Variants in SANBR observed in about 807,000 individuals in gnomAD.
SANBR encodes SANT and BTB domain regulator of class switch recombination.
A neutral mutation model predicts 101.8 loss-of-function variants in SANBR; 77 were observed. The observed-to-expected ratio is 0.76, with a 90% CI of 0.63 to 0.91. The LOEUF is 0.91. Among genes scored for constraint, SANBR ranks in the 40% least tolerant of loss-of-function variants. The pLI is 0.00. For synonymous variants in SANBR, 279 were observed against 274.7 expected (o/e 1.02, Z -0.15); for missense variants, 875 against 853.0 (o/e 1.03, Z -0.32).
At chr2:61,086,307 G>GGTATGGTA (rs1418924200) in intron 8 of SANBR, among the ~76,000 whole-genome samples, 2 of 151,818 alleles carry the variant, frequency 1.3e-5, no homozygotes, top group Non-Finnish European at 1.5e-5. Context: ...GAATTAACAA[G>GGTATGGTA]TGTGAGCCAC....
At chr2:61,068,695 C>T (rs1227122936) in intron 1 of SANBR, among the ~76,000 whole-genome samples, 154 bp from the exon 2 acceptor site, 1 of 152,142 alleles carries the variant, frequency 6.6e-6, no homozygotes, top group Non-Finnish European at 1.5e-5. Flanking sequence ...TTTTATCTGT[C>T]ACATTAATCT....
chr2:61,079,031 C>A (rs1168662436), intron 6 of SANBR, among the ~76,000 whole-genome samples: 1 of 150,640 alleles, frequency 6.6e-6, no homozygotes, highest in Admixed American at 6.6e-5. Flanking sequence ...AGAGTGAGAC[C>A]CTTTCTAAAA....
rs1384161114 is a variant in SANBR at position 61,123,359 on chromosome 2, A to C, written c.*1197A>C. 6.1e-6 allele frequency: 6 copies of C among 976,678 alleles called. No homozygotes were observed. Among genetic ancestry groups the C allele is most frequent in the South Asian group, 4.7e-5 (1 of 21,086 alleles). 60.5% of individuals were successfully genotyped at this position (976,678 alleles called of 1,614,324 possible). On this transcript the variant is annotated 3_prime_UTR_variant, in exon 22 of 22. Coordinates refer to ENST00000402291, the MANE Select transcript of SANBR (RefSeq NM_001129993.3). ...ATTGAAATATTGAAGTGTTACACTC[A>C]GTTTACACGTACAGAAATCATTCTT... is the stretch of plus-strand genomic sequence containing the variant.
chr2:61,073,971 GATAGTTTTGT>G (rs11276921), intron 5 of SANBR, among the ~76,000 whole-genome samples: 97,111 of 151,224 alleles, frequency 0.64, 33,140 homozygotes, highest in African/African-American at 0.88. Context: ...TGCAAGTTTT[GATAGTTTTGT>G]ATAGTTTTGT....
At chr2:61,127,667 T>G (rs1160596376), downstream of SANBR, among the ~76,000 whole-genome samples, 17 of 151,970 alleles carry the variant, frequency 1.1e-4, no homozygotes, top group Admixed American at 1.1e-3. Context: ...TTTTTCTTTG[T>G]CTAAAAATAA....
chr2:61,087,805 C>T (rs927908584), intron 8 of SANBR, among the ~76,000 whole-genome samples: 12 of 151,262 alleles, frequency 7.9e-5, no homozygotes, highest in African/African-American at 2.9e-4. Flanking sequence ...GAGCAGAGAT[C>T]GTGCTGTTGA....
chr2:61,081,141 A>G (rs939306945), intron 6 of SANBR, among the ~76,000 whole-genome samples: 4 of 152,148 alleles, frequency 2.6e-5, no homozygotes, highest in Non-Finnish European at 5.9e-5. Flanking sequence ...TGTATATGCA[A>G]TGAATTATAG....
rs879432624 is a variant in SANBR at position 61,134,374 on chromosome 2, G to A, written c.*44+98G>A. 87 of 1,201,986 alleles carry A rather than the reference G, an allele frequency of 7.2e-5. No homozygotes were observed. In the South Asian group the frequency reaches 8.4e-4, roughly 12 times the overall value. 74.5% of individuals were successfully genotyped at this position (1,201,986 alleles called of 1,614,324 possible). Reference sequence around the variant, plus strand: ...TATTCCCATTTTTGGCTTGGCTCACGTTATTCCCCCACCTAGATGGTTGCC... The same window carrying A: ...TATTCCCATTTTTGGCTTGGCTCACATTATTCCCCCACCTAGATGGTTGCC... On this transcript the variant is annotated intron_variant, in intron 21 of 21. Coordinates refer to the SANBR transcript ENST00000295031.
chr2:61,085,371 A>G (rs1682368173), intron 8 of SANBR, among the ~76,000 whole-genome samples: 1 of 152,078 alleles, frequency 6.6e-6, no homozygotes, highest in South Asian at 2.1e-4. Flanking sequence ...TAGTTGACAC[A>G]ATACCATATG....
chr2:61,131,893 T>C (rs546886062), intron 20 of SANBR, among the ~76,000 whole-genome samples: 6 of 152,376 alleles, frequency 3.9e-5, no homozygotes, highest in Admixed American at 1.3e-4. Context: ...CACATTTCTA[T>C]GGTCAACTGA....
At chr2:61,078,936 G>C (rs1559082417) in intron 6 of SANBR, among the ~76,000 whole-genome samples, 1 of 151,944 alleles carries the variant, frequency 6.6e-6, no homozygotes, top group Non-Finnish European at 1.5e-5. Flanking sequence ...CTACTTGGGA[G>C]GGTGAGGCAT....
intron 10 of SANBR, chr2:61,088,954 G>T (rs1682597945): frequency 1.1e-6 from 1 of 892,188 alleles, no homozygotes; most frequent in East Asian, 1.2e-4. Context: ...GTAGTTGTTA[G>T]TACATTTTAT....
At chr2:61,094,708 A>G (rs1682944593) in intron 11 of SANBR, among the ~76,000 whole-genome samples, 1 of 129,912 alleles carries the variant, frequency 7.7e-6, no homozygotes. Flanking sequence ...CGCTGGCGCC[A>G]TCTTGGCTCA....
At chr2:61,101,924 G>C (rs952305437) in intron 12 of SANBR, among the ~76,000 whole-genome samples, 8 of 151,906 alleles carry the variant, frequency 5.3e-5, no homozygotes, top group Non-Finnish European at 1.2e-4. Context: ...TGTAATCCCA[G>C]CTACTCGGGA....
rs1217194471 is a variant in SANBR at position 61,124,065 on chromosome 2, A to T, written c.*1903A>T. On this transcript the variant is annotated 3_prime_UTR_variant, in exon 22 of 22. Transcript: ENST00000402291. ...GCTGAGATCATGTTTCTGCGCTCCT[A>T]GCCTGGGTGACAGAGCAAGACTCCA... 2 of 789,724 alleles carry T rather than the reference A, an allele frequency of 2.5e-6. No homozygotes were observed. The highest frequency in any genetic ancestry group is 3.1e-6 in the Non-Finnish European group (2 of 651,546). 48.9% of individuals were successfully genotyped at this position (789,724 alleles called of 1,614,324 possible).
intron 6 of SANBR, among the ~76,000 whole-genome samples, chr2:61,079,558 A>G (rs541714011): frequency 6.6e-5 from 10 of 152,356 alleles, no homozygotes; most frequent in African/African-American, 2.4e-4. Flanking sequence ...AGATTGCTAA[A>G]TCAAAAATTT....
chr2:61,093,638 C>T (rs1029230764), intron 11 of SANBR, among the ~76,000 whole-genome samples: 1 of 151,944 alleles, frequency 6.6e-6, no homozygotes, highest in African/African-American at 2.4e-5. Context: ...TGATCAAATC[C>T]AGTTTTTCAG....
chr2:61,131,595 A>T (rs571586380), intron 20 of SANBR, among the ~76,000 whole-genome samples: 1 of 152,242 alleles, frequency 6.6e-6, no homozygotes, highest in Non-Finnish European at 1.5e-5. Context: ...TGTTATTAAG[A>T]TGGGAGTATT....
Position 61,081,457 on chromosome 2 carries a change from G to C in SANBR, c.676G>C (p.Gly226Arg). Reference protein sequence around the residue: ...KDCEMPTLEPGNVISILISSE... With the variant: ...KDCEMPTLEPRNVISILISSE... Reference sequence around the variant, plus strand: ...TAATTTTTTTTTTTTTTTAGAGCCAGGAAATGTCATTTCAATTCTTATTTC... The same window carrying C: ...TAATTTTTTTTTTTTTTTAGAGCCACGAAATGTCATTTCAATTCTTATTTC... The change falls in exon 7 of 22, where the codon GGA becomes CGA. Residue 226 changes from glycine (G) to arginine (R), a missense_variant. Coordinates refer to ENST00000402291, the MANE Select transcript of SANBR (RefSeq NM_001129993.3). 1 of 1,574,882 alleles carries C rather than the reference G, an allele frequency of 6.3e-7. No individual in the cohort carries two copies. The highest frequency in any genetic ancestry group is 8.6e-7 in the Non-Finnish European group (1 of 1,163,876).
Sources: gnomAD v4.1 joint callset for allele counts (sites outside exome capture counted in the v4.1 genomes callset) on GRCh38, gnomAD v4.1.1 for gene constraint, MANE v1.5 for transcripts, NCBI Gene and HGNC (gene_info 2026-07-23, HGNC 2026-07-21) for gene names.